The following CEP15 variants were observed in gnomAD, a reference collection of about 807,000 sequenced individuals.
CEP15 encodes the protein centrosomal protein 15 kDa.
chr3:62,320,619 C>A, the CEP15 span: 1 of 884,774 alleles, frequency 1.1e-6, no homozygotes, highest in Non-Finnish European at 1.7e-6. Flanking sequence ...AATTTGCAAG[C>A]ATGTCATTTT....
chr3:62,331,373 C>G, the CEP15 span: 1 of 1,613,014 alleles, frequency 6.2e-7, no homozygotes, highest in Admixed American at 1.7e-5. Context: ...TCACCCACTT[C>G]CACGGCCTGA....
chr3:62,331,452 T>C, the CEP15 span: 2 of 1,380,206 alleles, frequency 1.4e-6, no homozygotes, highest in East Asian at 4.6e-5. Flanking sequence ...TATCTATCAG[T>C]AGTGCACTAC....
the CEP15 span, among the ~76,000 whole-genome samples, chr3:62,326,938 T>G: frequency 6.6e-6 from 1 of 152,230 alleles, no homozygotes; most frequent in Non-Finnish European, 1.5e-5. Context: ...AAATTACCAC[T>G]AATTCCTCAA....
At chr3:62,331,017 C>G in the CEP15 span, among the ~76,000 whole-genome samples, 1 of 152,048 alleles carries the variant, frequency 6.6e-6, no homozygotes, top group East Asian at 1.9e-4. Context: ...AATTAATGCA[C>G]TGAGCAGTAT....
the CEP15 span, chr3:62,333,108 A>G: frequency 1.6e-6 from 1 of 644,004 alleles, no homozygotes; most frequent in Non-Finnish European, 2.4e-6. This position sits in a 1 kb window ranked among gnomAD's most constrained non-coding sequence, Gnocchi z 4.0. Context: ...AATATTCTGT[A>G]GAGGAAATGC....
the CEP15 span, among the ~76,000 whole-genome samples, chr3:62,323,238 CT>C: frequency 6.6e-6 from 1 of 152,096 alleles, no homozygotes; most frequent in Non-Finnish European, 1.5e-5. Flanking sequence ...AACCCAGAAA[CT>C]TTGTGTGATC....
the CEP15 span, among the ~76,000 whole-genome samples, chr3:62,324,688 T>C: frequency 6.6e-6 from 1 of 152,148 alleles, no homozygotes; most frequent in Non-Finnish European, 1.5e-5. Flanking sequence ...TTACTCCTGA[T>C]AAACTTGTTC....
the CEP15 span, among the ~76,000 whole-genome samples, chr3:62,330,464 T>G: frequency 6.6e-6 from 1 of 152,176 alleles, no homozygotes; most frequent in Non-Finnish European, 1.5e-5. Flanking sequence ...TATTAGACAA[T>G]GCTCAAATGT....
At chr3:62,328,359 T>G in the CEP15 span, among the ~76,000 whole-genome samples, 1 of 152,242 alleles carries the variant, frequency 6.6e-6, no homozygotes, top group African/African-American at 2.4e-5. Flanking sequence ...TTCAGTAAGA[T>G]AATTTTTACA....
chr3:62,333,430 T>C, the CEP15 span: 110 of 1,596,590 alleles, frequency 6.9e-5, no homozygotes, highest in African/African-American at 1.3e-3. This position sits in a 1 kb window ranked among gnomAD's most constrained non-coding sequence, Gnocchi z 4.0. Context: ...TTAATAAAGC[T>C]GAATGTTAAG....
chr3:62,326,251 A>G, the CEP15 span, among the ~76,000 whole-genome samples: 9 of 152,112 alleles, frequency 5.9e-5, no homozygotes, highest in Admixed American at 2.0e-4. Flanking sequence ...ACAGGACCCT[A>G]TCTCTCCTTT....
chr3:62,330,871 T>G, the CEP15 span, among the ~76,000 whole-genome samples: 2 of 152,226 alleles, frequency 1.3e-5, no homozygotes, highest in African/African-American at 4.8e-5. Flanking sequence ...ATACACTATT[T>G]ACATCATCTG....
the CEP15 span, among the ~76,000 whole-genome samples, chr3:62,325,771 C>T: frequency 6.6e-6 from 1 of 152,130 alleles, no homozygotes. Flanking sequence ...CGGTGGCTCA[C>T]GCCTGTAATC....
the CEP15 span, among the ~76,000 whole-genome samples, chr3:62,329,153 GA>G: frequency 2.3e-4 from 35 of 152,218 alleles, 3 homozygotes; most frequent in East Asian, 6.8e-3. Context: ...GAATGAAATG[GA>G]AAGGCTAGGA....
the CEP15 span, among the ~76,000 whole-genome samples, chr3:62,323,672 G>A: frequency 2.6e-5 from 4 of 152,160 alleles, no homozygotes; most frequent in Non-Finnish European, 4.4e-5. Context: ...GTGTTCAGAA[G>A]GGTAGCTAAG....
the CEP15 span, among the ~76,000 whole-genome samples, chr3:62,330,862 T>C: frequency 6.6e-6 from 1 of 152,206 alleles, no homozygotes; most frequent in African/African-American, 2.4e-5. Context: ...GTGCCATTGA[T>C]ACACTATTTA....
At chr3:62,328,804 C>A in the CEP15 span, among the ~76,000 whole-genome samples, 79 of 152,104 alleles carry the variant, frequency 5.2e-4, no homozygotes, top group Admixed American at 2.5e-3. Flanking sequence ...GGGACGCAGT[C>A]CTTACCTTCT....
the CEP15 span, among the ~76,000 whole-genome samples, chr3:62,321,613 C>T: frequency 4.0e-3 from 603 of 151,890 alleles, 2 homozygotes; most frequent in Non-Finnish European, 5.8e-3. The surrounding 1 kb of genome is among the most constrained non-coding windows in gnomAD (Gnocchi z 4.1). Flanking sequence ...GCATTTTCAC[C>T]AAAAATTAAA....
the CEP15 span, among the ~76,000 whole-genome samples, chr3:62,330,815 A>G: frequency 6.6e-6 from 1 of 152,164 alleles, no homozygotes; most frequent in Non-Finnish European, 1.5e-5. Flanking sequence ...TTGCATATAT[A>G]TAAATTTTTA....
Sources: gnomAD v4.1 joint callset for allele counts (sites outside exome capture counted in the v4.1 genomes callset) on GRCh38, gnomAD v4.1.1 for gene constraint, Gnocchi (gnomAD v3.1) non-coding constraint, MANE v1.5 for transcripts, NCBI Gene and HGNC (gene_info 2026-07-23, HGNC 2026-07-21) for gene names.